COL19A1: variants seen among roughly 807,000 people sequenced by gnomAD.
The protein encoded by COL19A1 is collagen type XIX alpha 1 chain.
Under a neutral mutation model 190.2 loss-of-function variants are expected in COL19A1, and 159 were observed. That is an observed-to-expected ratio of 0.84 (90% confidence interval 0.73 to 0.95). COL19A1 has a LOEUF of 0.95. COL19A1 is among the 40% of genes least tolerant of loss of function. COL19A1 has a pLI of 0.00. For synonymous variants in COL19A1, 509 were observed against 458.9 expected (o/e 1.11, Z -1.39); for missense variants, 1,418 against 1,431.9 (o/e 0.99, Z 0.16).
At chr6:70,064,147 T>A (rs1781026017) in intron 14 of COL19A1, among the ~76,000 whole-genome samples, 1 of 152,146 alleles carries the variant, frequency 6.6e-6, no homozygotes, top group Non-Finnish European at 1.5e-5. Flanking sequence ...ATCATCCTGA[T>A]ACCAAAGCCT....
Position 70,176,919 on chromosome 6 carries a change from G to T in COL19A1, c.2667+355G>T, listed in dbSNP as rs140930210. Among the ~76,000 whole-genome samples, 41 of 152,312 alleles carry T rather than the reference G, an allele frequency of 2.7e-4. No homozygotes were observed. In the East Asian group the frequency reaches 7.5e-3, roughly 28 times the overall value. ...GGTTTCTCAGTCTTCAAAAGACAGA[G>T]TTCTTATCCTCAGGCATGTACTTCA... On this transcript the variant is annotated intron_variant, in intron 42 of 50. Coordinates refer to ENST00000620364, the MANE Select transcript of COL19A1 (RefSeq NM_001858.6).
intron 15 of COL19A1, among the ~76,000 whole-genome samples, chr6:70,078,833 G>A (rs1170039940): frequency 2.0e-5 from 3 of 152,116 alleles, no homozygotes; most frequent in East Asian, 1.9e-4. Context: ...TTGGGAGGCC[G>A]AGGCGGGCAG....
intron 36 of COL19A1, among the ~76,000 whole-genome samples, chr6:70,164,899 T>G (rs1765039957): frequency 6.6e-6 from 1 of 152,212 alleles, no homozygotes; most frequent in African/African-American, 2.4e-5. Context: ...AGAAAAACTT[T>G]ACAGTTTATT....
At chr6:70,196,473 G>A (rs902296648) in intron 48 of COL19A1, among the ~76,000 whole-genome samples, 1 of 152,178 alleles carries the variant, frequency 6.6e-6, no homozygotes, top group Non-Finnish European at 1.5e-5. Flanking sequence ...ATTTCCATGG[G>A]CATTAGGAGG....
chr6:69,887,361 AT>A (rs1769015055), intron 2 of COL19A1, among the ~76,000 whole-genome samples: 1 of 152,196 alleles, frequency 6.6e-6, no homozygotes, highest in Non-Finnish European at 1.5e-5. Context: ...TTCAAGAGTC[AT>A]TTTTAGCTTA....
chr6:70,144,320 G>A (rs1034058815), intron 24 of COL19A1, 57 bp downstream of exon 24: 1 of 1,324,596 alleles, frequency 7.5e-7, no homozygotes, highest in Non-Finnish European at 1.1e-6. Context: ...AAGAGACAGA[G>A]GATCATAAGG....
At chr6:70,145,226 G>A (rs188518206) in intron 25 of COL19A1, among the ~76,000 whole-genome samples, 32 of 152,112 alleles carry the variant, frequency 2.1e-4, no homozygotes, top group Admixed American at 1.6e-3. Context: ...AGATGTATTC[G>A]TATGTTCATT....
intron 31 of COL19A1, among the ~76,000 whole-genome samples, chr6:70,152,846 G>A (rs1007562769): frequency 3.3e-5 from 5 of 152,094 alleles, no homozygotes; most frequent in African/African-American, 1.2e-4. Context: ...GTTCTTTAAG[G>A]ATGAGAAACT....
chr6:70,159,338 G>A (rs527574411), intron 34 of COL19A1, among the ~76,000 whole-genome samples: 1 of 151,952 alleles, frequency 6.6e-6, no homozygotes, highest in East Asian at 1.9e-4. Context: ...ACAAGTTAAT[G>A]TTAGGGGAAT....
intron 30 of COL19A1, 39 bp downstream of exon 30, chr6:70,150,084 T>C: frequency 6.2e-7 from 1 of 1,609,182 alleles, no homozygotes; most frequent in Non-Finnish European, 8.5e-7. Context: ...GTATCTTAAA[T>C]GCACCCAGAA....
Position 70,190,273 on chromosome 6 carries a change from T to C in COL19A1, c.3028-42T>C, listed in dbSNP as rs371819942. 4.3e-6 allele frequency: 6 copies of C among 1,407,182 alleles called. No individual in the cohort carries two copies. In the African/African-American group the frequency reaches 7.1e-5, roughly 17 times the overall value. 87.2% of individuals were successfully genotyped at this position (1,407,182 alleles called of 1,614,324 possible). ...AATATTTCTATTCTTTATTCATTTG[T>C]GCTATGCTCTATTTTAACAACCTTT... is the stretch of plus-strand genomic sequence containing the variant. On this transcript the variant is annotated intron_variant, in intron 47 of 50. Coordinates refer to ENST00000620364, the MANE Select transcript of COL19A1 (RefSeq NM_001858.6).
chr6:70,022,525 T>G (rs1778469947), intron 11 of COL19A1, among the ~76,000 whole-genome samples: 1 of 152,282 alleles, frequency 6.6e-6, no homozygotes, highest in African/African-American at 2.4e-5. Flanking sequence ...AAAGGCATTT[T>G]CAAAAATTGT....
At chr6:69,908,183 A>G (rs1267279425) in intron 4 of COL19A1, among the ~76,000 whole-genome samples, 1 of 152,214 alleles carries the variant, frequency 6.6e-6, no homozygotes, top group East Asian at 1.9e-4. Context: ...CCAAGTTCTC[A>G]AAACAAATTC....
At chr6:70,070,603 T>A (rs190647338) in intron 15 of COL19A1, among the ~76,000 whole-genome samples, 53 of 152,302 alleles carry the variant, frequency 3.5e-4, no homozygotes, top group East Asian at 1.5e-3. Context: ...CTCAGTGATT[T>A]ATTCTACTTT....
chr6:70,042,470 G>A (rs1779680673), intron 14 of COL19A1, among the ~76,000 whole-genome samples: 1 of 152,170 alleles, frequency 6.6e-6, no homozygotes, highest in Admixed American at 6.5e-5. Flanking sequence ...GCTAAAAAAT[G>A]CTAATGATCA....
At chr6:70,180,425 T>G (rs762009963) in intron 43 of COL19A1, 36 bp from the exon 44 acceptor site, 1 of 1,614,048 alleles carries the variant, frequency 6.2e-7, no homozygotes, top group East Asian at 2.2e-5. Flanking sequence ...AAAACATTTG[T>G]TGGCAATTAA....
chr6:70,188,156 G>A lies in COL19A1; in HGVS notation c.2938G>A (p.Gly980Ser), dbSNP rs1189512781. The change falls in exon 47 of 51, where the codon GGT becomes AGT. Residue 980 changes from glycine to serine, a missense_variant. Gly to Ser is a moderately conservative substitution (Grantham distance 56). Transcript: ENST00000620364. ...CCTTACAGGCATGAAGGGGGCCATC[G>A]GTCCTATGGGTCCACCAGGAAACAA... is the stretch of plus-strand genomic sequence containing the variant. ...PGLTGMKGAIGPMGPPGNKGS... is the reference protein window; with the variant it reads ...PGLTGMKGAISPMGPPGNKGS... 7 of 1,613,866 alleles carry A rather than the reference G, an allele frequency of 4.3e-6. No individual in the cohort carries two copies. Among genetic ancestry groups the A allele is most frequent in the African/African-American group, 1.3e-5 (1 of 74,930 alleles).
chr6:70,049,244 G>A (rs1022503852), intron 14 of COL19A1, among the ~76,000 whole-genome samples: 6 of 151,874 alleles, frequency 4.0e-5, no homozygotes, highest in East Asian at 1.9e-4. Context: ...TTAGTATTGG[G>A]ATTTCTGAGG....
At chr6:70,010,111 C>T (rs1002360983) in intron 11 of COL19A1, among the ~76,000 whole-genome samples, 7 of 152,110 alleles carry the variant, frequency 4.6e-5, no homozygotes, top group South Asian at 4.1e-4. Flanking sequence ...TTGAAAGACA[C>T]TGCCAGGAGA....
Sources: allele counts gnomAD v4.1 joint callset (sites outside exome capture counted in the v4.1 genomes callset), GRCh38; gene constraint gnomAD v4.1.1; transcripts MANE v1.5; gene names NCBI Gene and HGNC (gene_info 2026-07-23, HGNC 2026-07-21).